The following CAPZB variants were observed in gnomAD, a reference collection of about 807,000 sequenced individuals.
The protein encoded by CAPZB is F-actin-capping protein subunit beta.
CAPZB carries 2 observed loss-of-function variants against 38.1 expected under a neutral mutation model. The ratio of observed to expected loss-of-function variants is 0.05; its 90% CI spans 0.02 to 0.17. CAPZB has a LOEUF of 0.17. Among genes scored for constraint, CAPZB ranks in the 10% least tolerant of loss-of-function variants. The pLI, the probability that CAPZB is intolerant of heterozygous loss-of-function variation, is 1.00. For missense variants in CAPZB, 161 were observed against 334.2 expected (o/e 0.48, Z 4.04); for synonymous variants, 107 against 127.4 (o/e 0.84, Z 1.08).
chr1:19,341,146 C>T (rs559093945), intron 8 of CAPZB, among the ~76,000 whole-genome samples: 12 of 152,286 alleles, frequency 7.9e-5, no homozygotes, highest in Admixed American at 3.3e-4. Context: ...GAAAAAACTC[C>T]CAGGAGAAAC....
intron 1 of CAPZB, among the ~76,000 whole-genome samples, chr1:19,463,368 T>C (rs918949657): frequency 2.0e-5 from 3 of 152,166 alleles, no homozygotes; most frequent in Non-Finnish European, 4.4e-5. Flanking sequence ...CTCACTTACA[T>C]AAGAGTGCCA....
At chr1:19,363,946 G>A (rs1345488981) in intron 4 of CAPZB, among the ~76,000 whole-genome samples, 3 of 152,190 alleles carry the variant, frequency 2.0e-5, no homozygotes, top group African/African-American at 4.8e-5. Flanking sequence ...TTTCCAGCAT[G>A]AGCCAAGAAA....
chr1:19,429,203 A>G (rs1035444245), intron 1 of CAPZB, among the ~76,000 whole-genome samples: 4 of 152,142 alleles, frequency 2.6e-5, no homozygotes, highest in Non-Finnish European at 4.4e-5. Flanking sequence ...TGTCAGCTAC[A>G]CTTCCTCAAC....
Position 19,457,310 on chromosome 1 carries a change from T to G in CAPZB, c.3+28126A>C, listed in dbSNP as rs527407632. On this transcript the variant is annotated intron_variant, in intron 1 of 8. Transcript: ENST00000264202. ...TAGAAGATGACACAGACATCACCAG[T>G]GGGCCCCAGAGACTACAGACAAGGT... 5.3e-5 allele frequency among the ~76,000 whole-genome samples: 8 copies of G among 152,292 alleles called. No individual in the cohort carries two copies. The South Asian group carries it at 1.7e-3, about 32-fold the overall frequency.
At chr1:19,454,873 C>T (rs996453012) in intron 1 of CAPZB, among the ~76,000 whole-genome samples, 3 of 152,232 alleles carry the variant, frequency 2.0e-5, no homozygotes, top group African/African-American at 4.8e-5. Flanking sequence ...AAAATGCCCA[C>T]TGCAGCATGA....
Position 19,448,887 on chromosome 1 carries a change from A to G in CAPZB, c.4-29137T>C, listed in dbSNP as rs550663221. On this transcript the variant is annotated intron_variant, in intron 1 of 8. Coordinates refer to ENST00000264202, the MANE Select transcript of CAPZB (RefSeq NM_004930.5). ...GGCTGGCCAAGGCCTGGGCGAGAGA[A>G]CCCTGTATCCTGGAACTGCCTGGGC... is the stretch of plus-strand genomic sequence containing the variant. 3.8e-5 allele frequency: 62 copies of G among 1,612,882 alleles called. 1 individual carries two copies. In the Middle Eastern group the frequency reaches 1.2e-3, roughly 30 times the overall value.
At chr1:19,479,521 T>C (rs1475758364) in intron 1 of CAPZB, among the ~76,000 whole-genome samples, 2 of 152,174 alleles carry the variant, frequency 1.3e-5, no homozygotes, top group Non-Finnish European at 2.9e-5. Context: ...AACACCTACA[T>C]GGGACAGCTC....
chr1:19,452,793 CTTTTT>C (rs34430556), intron 1 of CAPZB, among the ~76,000 whole-genome samples: 1 of 118,432 alleles, frequency 8.4e-6, no homozygotes, highest in Non-Finnish European at 1.7e-5. Flanking sequence ...TAATTTCTTT[CTTTTT>C]TTTTTTTTTT....
At chr1:19,382,370 C>T (rs1166824544) in intron 3 of CAPZB, among the ~76,000 whole-genome samples, 1 of 152,032 alleles carries the variant, frequency 6.6e-6, no homozygotes, top group Non-Finnish European at 1.5e-5. Flanking sequence ...GACAGGAATG[C>T]CTAGATTTCA....
chr1:19,447,664 C>T (rs2094501226), intron 1 of CAPZB, among the ~76,000 whole-genome samples: 2 of 152,120 alleles, frequency 1.3e-5, no homozygotes, highest in Admixed American at 6.5e-5. Context: ...CACAGATACA[C>T]CTGGGGGATG....
At chr1:19,386,314 T>TA (rs1215744129) in intron 2 of CAPZB, among the ~76,000 whole-genome samples, 1 of 152,216 alleles carries the variant, frequency 6.6e-6, no homozygotes, top group Non-Finnish European at 1.5e-5. Context: ...GCTCTGCAAG[T>TA]AACCAGGCCA....
intron 1 of CAPZB, among the ~76,000 whole-genome samples, chr1:19,426,889 T>C (rs2094424799): frequency 6.6e-6 from 1 of 152,190 alleles, no homozygotes; most frequent in Non-Finnish European, 1.5e-5. Context: ...TCTGGTGACC[T>C]TGGGGAGACA....
chr1:19,466,061 G>A (rs569392359), intron 1 of CAPZB, among the ~76,000 whole-genome samples: 200 of 152,306 alleles, frequency 1.3e-3, no homozygotes, highest in African/African-American at 4.5e-3. Flanking sequence ...TCTGGCCCCA[G>A]GAGCCCAGCT....
chr1:19,385,255 G>A (rs10917438), intron 3 of CAPZB, among the ~76,000 whole-genome samples: 45,866 of 151,998 alleles, frequency 0.3, 7,056 homozygotes, highest in African/African-American at 0.36. Context: ...CCTTTGGTCC[G>A]CTGCTCTATC....
At chr1:19,346,863 G>A (rs1189397791) in intron 6 of CAPZB, among the ~76,000 whole-genome samples, 10 of 128,882 alleles carry the variant, frequency 7.8e-5, no homozygotes, top group East Asian at 2.3e-4. Flanking sequence ...CGCTCTTGTC[G>A]CCCAGGCTGG....
At chr1:19,362,171 G>C (rs758366402) in intron 4 of CAPZB, among the ~76,000 whole-genome samples, 1 of 147,838 alleles carries the variant, frequency 6.8e-6, no homozygotes, top group Non-Finnish European at 1.5e-5. Flanking sequence ...TGGTCAAGGA[G>C]GTAGAAGGGG....
chr1:19,462,506 C>CA (rs2094555346), intron 1 of CAPZB, among the ~76,000 whole-genome samples: 2 of 152,064 alleles, frequency 1.3e-5, no homozygotes, highest in Non-Finnish European at 2.9e-5. Context: ...TCCAAACCCT[C>CA]AATACAGGTG....
chr1:19,398,609 A>G (rs1450603934), intron 2 of CAPZB, among the ~76,000 whole-genome samples: 1 of 151,844 alleles, frequency 6.6e-6, no homozygotes, highest in African/African-American at 2.4e-5. Context: ...TCTGGCCACA[A>G]TGTTTCACAC....
intron 2 of CAPZB, among the ~76,000 whole-genome samples, chr1:19,386,726 G>A (rs2094206211): frequency 6.6e-6 from 1 of 152,158 alleles, no homozygotes; most frequent in African/African-American, 2.4e-5. Flanking sequence ...GCCCCTCCAG[G>A]GTGCTTTAGA....
Sources: gnomAD v4.1 joint callset for allele counts (sites outside exome capture counted in the v4.1 genomes callset) on GRCh38, gnomAD v4.1.1 for gene constraint, MANE v1.5 for transcripts, NCBI Gene and HGNC (gene_info 2026-07-23, HGNC 2026-07-21) for gene names.